UTRN: variants seen among roughly 807,000 people sequenced by gnomAD.
UTRN encodes utrophin.
In UTRN, 283 loss-of-function variants were observed where a neutral mutation model predicts 463.9. The observed-to-expected ratio is 0.61, with a 90% CI of 0.55 to 0.67. The LOEUF is 0.67. UTRN is among the 30% of genes least tolerant of loss of function. The pLI, the probability that UTRN is intolerant of heterozygous loss-of-function variation, is 0.00. For missense variants in UTRN, 3,922 were observed against 4,084.3 expected, an observed-to-expected ratio of 0.96 and a Z score of 1.08; for synonymous variants, 1,442 against 1,431.5, an observed-to-expected ratio of 1.01 and a Z score of -0.17.
intron 2 of UTRN, among the ~76,000 whole-genome samples, chr6:144,315,923 G>A (rs1048290760): frequency 1.1e-4 from 16 of 152,140 alleles, no homozygotes; most frequent in African/African-American, 3.9e-4. Flanking sequence ...AGGTCGCCTC[G>A]GCTCCATTGC....
chr6:144,658,632 A>G (rs2128670837), intron 51 of UTRN, among the ~76,000 whole-genome samples: 1 of 152,320 alleles, frequency 6.6e-6, no homozygotes, highest in East Asian at 1.9e-4. Context: ...TAGTGTCACC[A>G]TTATAAGCAC....
intron 61 of UTRN, 89 bp from the exon 62 acceptor site, chr6:144,789,105 A>G (rs1436187094): frequency 4.8e-6 from 5 of 1,034,418 alleles, no homozygotes; most frequent in African/African-American, 1.6e-5. Flanking sequence ...TTGATGGTTT[A>G]CCCCCAAGAA....
At chr6:144,513,845 T>G (rs1448290632) in intron 35 of UTRN, 64 bp from the exon 36 acceptor site, 5 of 1,552,974 alleles carry the variant, frequency 3.2e-6, no homozygotes, top group African/African-American at 1.4e-5. Flanking sequence ...TTTAAATCTC[T>G]TTTAAGATTA....
chr6:144,361,361 A>G (rs1254634753), intron 2 of UTRN, among the ~76,000 whole-genome samples: 1 of 152,158 alleles, frequency 6.6e-6, no homozygotes, highest in African/African-American at 2.4e-5. Context: ...ATTTTGAGCT[A>G]ATTATTAATG....
rs553636784 is a variant in UTRN, at chr6:144,644,539, T to A, written c.7480-33867T>A. Among the ~76,000 whole-genome samples, 4 of 152,314 alleles carry A rather than the reference T, an allele frequency of 2.6e-5. No individual in the cohort carries two copies. In the East Asian group the frequency reaches 7.7e-4, roughly 29 times the overall value. On this transcript the variant is annotated intron_variant, in intron 51 of 74. Coordinates refer to ENST00000367545, the MANE Select transcript of UTRN (RefSeq NM_007124.3). ...ATTATGACAGCCATAAAATATAAAG[T>A]ATATGGAATTATATATTTGGCTATA... is the stretch of plus-strand genomic sequence containing the variant.
At chr6:144,781,073 G>T (rs1775784372) in intron 60 of UTRN, among the ~76,000 whole-genome samples, 1 of 152,188 alleles carries the variant, frequency 6.6e-6, no homozygotes, top group Non-Finnish European at 1.5e-5. Context: ...GTCTTTGAGA[G>T]CAGGGGCTCT....
At chr6:144,485,359 C>G (rs545670272) in intron 27 of UTRN, 26 bp from the exon 28 acceptor site, 1 of 1,611,700 alleles carries the variant, frequency 6.2e-7, no homozygotes, top group Non-Finnish European at 8.5e-7. Flanking sequence ...GGCTTTTTGT[C>G]TAATTTAAAA....
At chr6:144,641,682 G>C (rs1341525918) in intron 51 of UTRN, among the ~76,000 whole-genome samples, 1 of 152,162 alleles carries the variant, frequency 6.6e-6, no homozygotes, top group Non-Finnish European at 1.5e-5. Flanking sequence ...GGTAATTATA[G>C]ATTCTGGATG....
intron 52 of UTRN, among the ~76,000 whole-genome samples, chr6:144,692,678 G>A (rs1250169005): frequency 6.6e-6 from 1 of 151,986 alleles, no homozygotes; most frequent in Non-Finnish European, 1.5e-5. Context: ...ATGCTTGTCA[G>A]CTGCATATAT....
chr6:144,404,517 A>G (rs929045694), intron 3 of UTRN, among the ~76,000 whole-genome samples: 2 of 152,222 alleles, frequency 1.3e-5, no homozygotes, highest in Non-Finnish European at 2.9e-5. Flanking sequence ...TGCTCATAAA[A>G]GTAAGATTAT....
chr6:144,840,624 C>G, intron 72 of UTRN, 116 bp from the exon 73 acceptor site: 1 of 1,156,406 alleles, frequency 8.6e-7, no homozygotes, highest in Non-Finnish European at 1.2e-6. Context: ...AATGGGAAAT[C>G]TTTTCACATT....
intron 2 of UTRN, among the ~76,000 whole-genome samples, chr6:144,357,253 T>A (rs1778647114): frequency 1.3e-5 from 2 of 152,150 alleles, no homozygotes; most frequent in Non-Finnish European, 2.9e-5. Context: ...GTACTTTGGC[T>A]CATACCAAAT....
intron 53 of UTRN, among the ~76,000 whole-genome samples, chr6:144,719,573 A>T (rs1191017068): frequency 3.3e-5 from 5 of 152,172 alleles, no homozygotes; most frequent in Non-Finnish European, 7.4e-5. Context: ...ACGAAACTCC[A>T]TCTCAAAAAC....
chr6:144,543,924 T>A (rs1347721249), intron 46 of UTRN, among the ~76,000 whole-genome samples: 3 of 152,210 alleles, frequency 2.0e-5, no homozygotes, highest in Non-Finnish European at 4.4e-5. Context: ...TCAAGTTTCT[T>A]GATTAATATT....
At chr6:144,529,031 G>A (rs1004292008) in intron 41 of UTRN, among the ~76,000 whole-genome samples, 1 of 152,148 alleles carries the variant, frequency 6.6e-6, no homozygotes, top group Non-Finnish European at 1.5e-5. Context: ...TTCCCAGGGG[G>A]ATTATGGCTG....
chr6:144,842,984 A>C (rs924210869), intron 73 of UTRN, among the ~76,000 whole-genome samples: 1 of 152,196 alleles, frequency 6.6e-6, no homozygotes, highest in African/African-American at 2.4e-5. Flanking sequence ...GATTAAAACT[A>C]GTTTATTAAT....
chr6:144,676,102 A>C (rs1455077614), intron 51 of UTRN, among the ~76,000 whole-genome samples: 2 of 151,792 alleles, frequency 1.3e-5, no homozygotes, highest in Admixed American at 1.3e-4. Flanking sequence ...TAAATTATTG[A>C]AATTTCCCAG....
intron 63 of UTRN, 57 bp from the exon 64 acceptor site, chr6:144,797,767 A>C: frequency 6.4e-7 from 1 of 1,554,452 alleles, no homozygotes; most frequent in South Asian, 1.2e-5. Flanking sequence ...CAACAACACT[A>C]GCTACAGTTT....
At chr6:144,753,619 T>C (rs1050364017) in intron 56 of UTRN, among the ~76,000 whole-genome samples, 19 of 147,656 alleles carry the variant, frequency 1.3e-4, no homozygotes, top group African/African-American at 4.3e-4. Context: ...ACCCTGTCTT[T>C]AAAAATAAAA....
Sources: allele counts gnomAD v4.1 joint callset (sites outside exome capture counted in the v4.1 genomes callset), GRCh38; gene constraint gnomAD v4.1.1; transcripts MANE v1.5; gene names NCBI Gene and HGNC (gene_info 2026-07-23, HGNC 2026-07-21).